The following STK32B variants were observed in gnomAD, a reference collection of about 807,000 sequenced individuals.
STK32B encodes the protein serine/threonine kinase 32B.
STK32B carries 43 observed loss-of-function variants against 52.6 expected under a neutral mutation model. The ratio of observed to expected loss-of-function variants is 0.82; its 90% CI spans 0.64 to 1.05. The LOEUF is 1.05. Ranked by LOEUF, STK32B falls within the 50% of genes least tolerant of loss-of-function variation. STK32B has a pLI of 0.00. For missense variants in STK32B, 621 were observed against 534.6 expected, an observed-to-expected ratio of 1.16 and a Z score of -1.59; for synonymous variants, 238 against 204.3, an observed-to-expected ratio of 1.17 and a Z score of -1.41.
chr4:5,076,901 G>C (rs577190384), intron 1 of STK32B, among the ~76,000 whole-genome samples: 33 of 152,126 alleles, frequency 2.2e-4, no homozygotes, highest in Non-Finnish European at 4.3e-4. Flanking sequence ...TTACTAGGCA[G>C]TGAATTTTCT....
At chr4:5,037,294 C>T in the STK32B span, among the ~76,000 whole-genome samples, 1 of 152,222 alleles carries the variant, frequency 6.6e-6, no homozygotes, top group East Asian at 1.9e-4. Flanking sequence ...CAATATTTCT[C>T]ATGCTAACAA....
chr4:5,314,842 A>G (rs1424810846), intron 3 of STK32B, among the ~76,000 whole-genome samples: 2 of 152,182 alleles, frequency 1.3e-5, no homozygotes, highest in East Asian at 3.8e-4. Context: ...TAAATGAAGG[A>G]GATAAAATAA....
the STK32B span, among the ~76,000 whole-genome samples, chr4:5,022,941 C>T: frequency 1.3e-5 from 2 of 152,046 alleles, no homozygotes; most frequent in Non-Finnish European, 2.9e-5. Context: ...CAGCTGCTCC[C>T]TATCAGGTGA....
intron 3 of STK32B, among the ~76,000 whole-genome samples, chr4:5,311,268 A>C (rs1210030697): frequency 6.6e-6 from 1 of 152,214 alleles, no homozygotes. Flanking sequence ...CTTTGAGATG[A>C]TGCTTATGCT....
chr4:5,068,120 C>G (rs1711537031), intron 1 of STK32B, among the ~76,000 whole-genome samples: 1 of 152,062 alleles, frequency 6.6e-6, no homozygotes, highest in Non-Finnish European at 1.5e-5. Flanking sequence ...TTTGCACCAA[C>G]CTATACAATT....
At chr4:5,316,609 A>G (rs1730810244) in intron 3 of STK32B, among the ~76,000 whole-genome samples, 1 of 18,548 alleles carries the variant, frequency 5.4e-5, no homozygotes, top group Non-Finnish European at 7.2e-5. Flanking sequence ...TATATAATAT[A>G]TATTATATAT....
chr4:5,122,927 C>G (rs781697592), intron 1 of STK32B, among the ~76,000 whole-genome samples: 7 of 152,182 alleles, frequency 4.6e-5, no homozygotes, highest in Non-Finnish European at 8.8e-5. Flanking sequence ...CTCTTCCACC[C>G]TCAGCCCCTG....
chr4:5,076,986 C>T (rs1026143626), intron 1 of STK32B, among the ~76,000 whole-genome samples: 3 of 152,246 alleles, frequency 2.0e-5, no homozygotes, highest in African/African-American at 7.2e-5. Context: ...GGGAGGCTTC[C>T]TTGGTTCAGG....
At chr4:5,449,549 G>A (rs938350643) in intron 7 of STK32B, among the ~76,000 whole-genome samples, 2 of 152,234 alleles carry the variant, frequency 1.3e-5, no homozygotes, top group Non-Finnish European at 2.9e-5. Flanking sequence ...TGAGACCACA[G>A]TGCAGACCAG....
chr4:5,438,027 T>G (rs1714257195), intron 6 of STK32B: 1 of 985,456 alleles, frequency 1.0e-6, no homozygotes, highest in African/African-American at 1.7e-5. Flanking sequence ...ATCACTCTGC[T>G]GCTGCTTCTA....
chr4:5,230,250 C>T (rs1037678644), intron 3 of STK32B, among the ~76,000 whole-genome samples: 2 of 129,358 alleles, frequency 1.5e-5, no homozygotes, highest in Non-Finnish European at 3.1e-5. Flanking sequence ...AGTGCAGTGG[C>T]ATGATCTCAG....
chr4:5,275,118 T>C (rs1034336568), intron 3 of STK32B, among the ~76,000 whole-genome samples: 1 of 152,194 alleles, frequency 6.6e-6, no homozygotes, highest in Non-Finnish European at 1.5e-5. Flanking sequence ...AGGCTTGCCA[T>C]CATCTTGGAA....
At chr4:5,331,119 C>A in intron 3 of STK32B, 101 bp from the exon 4 acceptor site, 2 of 1,203,198 alleles carry the variant, frequency 1.7e-6, no homozygotes, top group East Asian at 2.6e-5. Flanking sequence ...CAGTGCCTCT[C>A]TCTGAGCCTC....
At chr4:5,353,991 A>C (rs571145310) in intron 4 of STK32B, among the ~76,000 whole-genome samples, 2 of 152,356 alleles carry the variant, frequency 1.3e-5, no homozygotes, top group South Asian at 2.1e-4. Flanking sequence ...CTAAGTGTCC[A>C]TTGGCAGACA....
intron 1 of STK32B, among the ~76,000 whole-genome samples, chr4:5,099,450 G>GCA (rs1560150320): frequency 4.4e-5 from 4 of 91,296 alleles, no homozygotes; most frequent in Non-Finnish European, 6.7e-5. Context: ...GTGTGTGTGT[G>GCA]CGCGCGCGCG....
At chr4:5,362,456 C>T (rs1202201865) in intron 4 of STK32B, among the ~76,000 whole-genome samples, 1 of 152,180 alleles carries the variant, frequency 6.6e-6, no homozygotes, top group African/African-American at 2.4e-5. Context: ...ACTAAGGGTA[C>T]AGGTAGAAGA....
intron 3 of STK32B, among the ~76,000 whole-genome samples, chr4:5,305,997 A>G (rs913483697): frequency 4.6e-5 from 7 of 152,028 alleles, no homozygotes; most frequent in African/African-American, 1.7e-4. Flanking sequence ...TTTAATTTCC[A>G]TGTATTTGCG....
chr4:5,119,424 G>A lies in STK32B; in HGVS notation c.53-20481G>A, dbSNP rs1714909120. ...ACATTTGCCATTTCCACATGGAAAA[G>A]TGGGAAATAGTTTGGCCTTTCTCTT... On this transcript the variant is annotated intron_variant, in intron 1 of 11. Coordinates refer to ENST00000282908, the MANE Select transcript of STK32B (RefSeq NM_018401.3). 5.9e-5 allele frequency among the ~76,000 whole-genome samples: 9 copies of A among 152,250 alleles called. 1 individual carries two copies. The highest frequency in any genetic ancestry group is 5.9e-4 in the Admixed American group (9 of 15,288).
At chr4:5,333,956 C>T (rs1414009259) in intron 4 of STK32B, among the ~76,000 whole-genome samples, 3 of 152,112 alleles carry the variant, frequency 2.0e-5, no homozygotes, top group Non-Finnish European at 4.4e-5. Flanking sequence ...CTTGGCGATG[C>T]GAGCTCTTTT....
Sources: gnomAD v4.1 joint callset for allele counts (sites outside exome capture counted in the v4.1 genomes callset) on GRCh38, gnomAD v4.1.1 for gene constraint, MANE v1.5 for transcripts, NCBI Gene and HGNC (gene_info 2026-07-23, HGNC 2026-07-21) for gene names.